The following DCBLD1 variants were observed in gnomAD, a reference collection of about 807,000 sequenced individuals.
The protein encoded by DCBLD1 is discoidin, CUB and LCCL domain-containing protein 1.
A neutral mutation model predicts 71.5 loss-of-function variants in DCBLD1; 57 were observed. The observed-to-expected ratio is 0.80, with a 90% CI of 0.64 to 0.99. The LOEUF is 0.99. DCBLD1 is among the 50% of genes least tolerant of loss of function. The pLI, the probability that DCBLD1 is intolerant of heterozygous loss-of-function variation, is 0.00. For synonymous variants in DCBLD1, 380 were observed against 363.8 expected (o/e 1.04, Z -0.51); for missense variants, 891 against 923.5 (o/e 0.96, Z 0.46).
At chr6:117,540,877 T>C (rs1779072235) in intron 10 of DCBLD1, 41 bp from the exon 11 acceptor site, 2 of 1,614,128 alleles carry the variant, frequency 1.2e-6, no homozygotes, top group Non-Finnish European at 8.5e-7. Flanking sequence ...TCGCCTATCA[T>C]TGTTACTCAT....
intron 14 of DCBLD1, among the ~76,000 whole-genome samples, chr6:117,565,083 A>T (rs1011840935): frequency 6.6e-6 from 1 of 152,216 alleles, no homozygotes; most frequent in Non-Finnish European, 1.5e-5. Flanking sequence ...CTAAAAAAAA[A>T]TTCATTTCTT....
chr6:117,539,374 G>A lies in DCBLD1; in HGVS notation c.1096G>A (p.Glu366Lys), dbSNP rs1273285966. The A allele has an allele frequency of 6.2e-7, 1 of 1,602,170 alleles. No individual in the cohort carries two copies. The highest frequency in any genetic ancestry group is 2.2e-5 in the East Asian group (1 of 44,738). Residue 366 changes from glutamate to lysine, a missense_variant, in exon 9 of 15, where the codon GAA becomes AAA. Coordinates refer to ENST00000338728, the MANE Select transcript of DCBLD1 (RefSeq NM_001366458.2). The part of the protein sequence containing the change: ...KTYKGIVNNE[E>K]KVFQGNSNFR... ...CTATAAAGGAATTGTGAATAATGAA[G>A]AAAAGGTAAGAGGTAACCCTAGAGG...
At chr6:117,508,953 T>C (rs1176509398) in intron 2 of DCBLD1, among the ~76,000 whole-genome samples, 1 of 152,110 alleles carries the variant, frequency 6.6e-6, no homozygotes, top group African/African-American at 2.4e-5. Context: ...TGGATTGAAA[T>C]TTTTGTTGCT....
intron 1 of DCBLD1, among the ~76,000 whole-genome samples, chr6:117,492,397 G>A (rs576182552): frequency 5.9e-5 from 9 of 152,276 alleles, no homozygotes; most frequent in African/African-American, 9.6e-5. Flanking sequence ...AACCAGGCAC[G>A]TATCTTACAA....
At chr6:117,551,315 C>T (rs535410534), downstream of DCBLD1, among the ~76,000 whole-genome samples, 2 of 152,144 alleles carry the variant, frequency 1.3e-5, no homozygotes, top group East Asian at 3.9e-4. Context: ...CTATTGGATG[C>T]TCATTAGAGC....
chr6:117,548,864 T>C lies in DCBLD1; in HGVS notation c.*425T>C. ...TGTTGCAAAATGTATATAAATAGTATGTTCATTTTTTTCAGTATATTATCT... is the reference window on the plus strand; with the variant it reads ...TGTTGCAAAATGTATATAAATAGTACGTTCATTTTTTTCAGTATATTATCT... On this transcript the variant is annotated 3_prime_UTR_variant, in exon 15 of 15. Transcript: ENST00000338728. The C allele has an allele frequency of 9.8e-7, 1 of 1,021,022 alleles. No homozygotes were observed. Among genetic ancestry groups the C allele is most frequent in the Non-Finnish European group, 1.2e-6 (1 of 851,846 alleles). The allele number at this position is 1,021,022 out of a possible 1,614,324, so 63.2% of individuals were successfully genotyped here.
chr6:117,557,466 C>G (rs536793431), intron 14 of DCBLD1, among the ~76,000 whole-genome samples: 1 of 152,280 alleles, frequency 6.6e-6, no homozygotes, highest in Non-Finnish European at 1.5e-5. Flanking sequence ...ACACCCTGAT[C>G]AAGCACTCTC....
chr6:117,501,611 G>A (rs1218556745), intron 1 of DCBLD1, among the ~76,000 whole-genome samples: 3 of 152,168 alleles, frequency 2.0e-5, no homozygotes, highest in Non-Finnish European at 4.4e-5. Flanking sequence ...GGAATTACAG[G>A]CATGAGCCAC....
At chr6:117,529,000 C>T (rs1778629776) in intron 5 of DCBLD1, among the ~76,000 whole-genome samples, 1 of 152,026 alleles carries the variant, frequency 6.6e-6, no homozygotes. Flanking sequence ...GCCACCATGC[C>T]CGGCTAATTT....
intron 1 of DCBLD1, among the ~76,000 whole-genome samples, chr6:117,493,838 T>C (rs1777378579): frequency 6.6e-6 from 1 of 152,118 alleles, no homozygotes; most frequent in Admixed American, 6.5e-5. Context: ...ATAGGAGGGA[T>C]GTGTGGTGAA....
chr6:117,543,161 C>G lies in DCBLD1; in HGVS notation c.1395C>G (p.Leu465=), dbSNP rs1157264450. ...CAACGGTGGCTATTCCATTGGTGCTCCTTGTTGTCCTGGTGTTTGCTGGAA... is the reference window on the plus strand; with the variant it reads ...CAACGGTGGCTATTCCATTGGTGCTGCTTGTTGTCCTGGTGTTTGCTGGAA... ...NITTVAIPLV[L]LVVLVFAGMG... Residue 465 remains leucine (L), a synonymous_variant, in exon 12 of 15, where the codon CTC becomes CTG. Coordinates refer to ENST00000338728, the MANE Select transcript of DCBLD1 (RefSeq NM_001366458.2). 6.2e-7 allele frequency: 1 copy of G among 1,614,074 alleles called. No homozygotes were observed. The highest frequency in any genetic ancestry group is 2.2e-5 in the East Asian group (1 of 44,876).
chr6:117,555,679 T>G (rs1164869509), intron 14 of DCBLD1, among the ~76,000 whole-genome samples: 1 of 152,166 alleles, frequency 6.6e-6, no homozygotes, highest in Non-Finnish European at 1.5e-5. Flanking sequence ...CTATAGTCAC[T>G]CCACTACAGC....
In DCBLD1 at chr6:117,500,293, A is replaced by G. The variant is rs540846864; in HGVS notation, c.113-3474A>G. Among the ~76,000 whole-genome samples, 25 of 152,332 alleles carry G rather than the reference A, an allele frequency of 1.6e-4. No homozygotes were observed. The South Asian group carries it at 4.8e-3, about 29-fold the overall frequency. On this transcript the variant is annotated intron_variant, in intron 1 of 14. Coordinates refer to ENST00000338728, the MANE Select transcript of DCBLD1 (RefSeq NM_001366458.2). ...CTTCCATAGGTTAGAGTGATACTAG[A>G]ACTTCTGATGACAGTTCGCTTTTTA... is the stretch of plus-strand genomic sequence containing the variant.
chr6:117,509,308 C>T (rs755245562), intron 2 of DCBLD1, among the ~76,000 whole-genome samples: 15 of 152,032 alleles, frequency 9.9e-5, no homozygotes, highest in African/African-American at 1.4e-4. Context: ...GATACATGCC[C>T]GTAGTCCCAG....
At chr6:117,513,978 CAA>C (rs1470463958) in intron 2 of DCBLD1, among the ~76,000 whole-genome samples, 1 of 152,106 alleles carries the variant, frequency 6.6e-6, no homozygotes, top group African/African-American at 2.4e-5. Flanking sequence ...TTTCATAAGA[CAA>C]GAGATTATCC....
chr6:117,486,160 T>A (rs768621455), intron 1 of DCBLD1, among the ~76,000 whole-genome samples: 7 of 152,220 alleles, frequency 4.6e-5, no homozygotes, highest in Non-Finnish European at 1.5e-5. Context: ...AAACCACAGC[T>A]TGGAAATTAG....
At chr6:117,517,386 A>G (rs1373673484) in intron 2 of DCBLD1, among the ~76,000 whole-genome samples, 1 of 152,170 alleles carries the variant, frequency 6.6e-6, no homozygotes, top group South Asian at 2.1e-4. Context: ...TTTGCAGGGT[A>G]CAGCCTCCCT....
At chr6:117,562,323 A>G in intron 14 of DCBLD1, 1 of 202,148 alleles carries the variant, frequency 4.9e-6, no homozygotes, top group Non-Finnish European at 1.0e-5. Context: ...ATTTGAATGT[A>G]CTGTGTTTCA....
At chr6:117,483,006 G>T (rs1446722002) in intron 1 of DCBLD1, 113 bp downstream of exon 1, 5 of 1,003,536 alleles carry the variant, frequency 5.0e-6, no homozygotes, top group South Asian at 4.6e-5. Flanking sequence ...GGCCTGGGGG[G>T]ACGGAGCGCG....
Sources: gnomAD v4.1 joint callset for allele counts (sites outside exome capture counted in the v4.1 genomes callset) on GRCh38, gnomAD v4.1.1 for gene constraint, MANE v1.5 for transcripts, NCBI Gene and HGNC (gene_info 2026-07-23, HGNC 2026-07-21) for gene names.